Variants in OMA1 observed in about 807,000 individuals in gnomAD.
OMA1 encodes the protein OMA1 zinc metallopeptidase.
OMA1 carries 38 observed loss-of-function variants against 30.9 expected under a neutral mutation model. That is an observed-to-expected ratio of 1.23 (90% confidence interval 0.95 to 1.61). OMA1 has a LOEUF of 1.61. Ranked by LOEUF, OMA1 falls within the 40% of genes most tolerant of loss-of-function variation. The probability of loss-of-function intolerance (pLI) is 0.00; values close to 1 mark genes in which losing one functional copy is unlikely to be tolerated. For missense variants in OMA1, 461 were observed against 349.2 expected, an observed-to-expected ratio of 1.32 and a Z score of -2.55; for synonymous variants, 173 against 121.9, an observed-to-expected ratio of 1.42 and a Z score of -2.76.
chr1:58,535,903 A>G (rs532552469), intron 3 of OMA1, among the ~76,000 whole-genome samples: 4 of 152,302 alleles, frequency 2.6e-5, no homozygotes, highest in South Asian at 2.1e-4. Context: ...TTTTCAAGGT[A>G]TAAGAATTCT....
intron 8 of OMA1, among the ~76,000 whole-genome samples, chr1:58,486,929 T>G (rs1272916747): frequency 6.6e-6 from 1 of 152,194 alleles, no homozygotes; most frequent in Non-Finnish European, 1.5e-5. Context: ...GTTGGAGAGC[T>G]AGGCAGTGGC....
chr1:58,516,543 C>A (rs960594158), intron 7 of OMA1, among the ~76,000 whole-genome samples: 1 of 152,180 alleles, frequency 6.6e-6, no homozygotes, highest in South Asian at 2.1e-4. Flanking sequence ...CGACAAATGC[C>A]TTCCAAATGA....
At position 58,530,729 on chromosome 1, in the gene OMA1, C is replaced by T. The variant is rs746426807; in HGVS notation, c.1012G>A (p.Ala338Thr). 3.4e-6 allele frequency: 3 copies of T among 871,612 alleles called. No individual in the cohort carries two copies. In the East Asian group the frequency reaches 7.2e-5, roughly 21 times the overall value. The allele number at this position is 871,612 out of a possible 1,614,324, so 54.0% of individuals were successfully genotyped here. The stretch of plus-strand genomic sequence containing the variant: ...AAATGAACCATGCCAGCCTTTTCTG[C>T]CTAAGAATAATCAAAATAATAAAAA... ...EIAHAVLGHA[A>T]EKAGMVHLLD... Residue 338 changes from alanine (A) to threonine (T), a missense_variant and splice_region_variant, in exon 6 of 9, where the codon GCA becomes ACA. Physicochemically the swap from Ala to Thr is moderately conservative, Grantham distance 58. Transcript: ENST00000371226.
chr1:58,545,377 T>G (rs1315306491), intron 1 of OMA1, among the ~76,000 whole-genome samples: 1 of 152,202 alleles, frequency 6.6e-6, no homozygotes, highest in African/African-American at 2.4e-5. Flanking sequence ...GACAACCAAG[T>G]GTCGTTTTGA....
chr1:58,535,907 G>A (rs1309196535), intron 3 of OMA1, among the ~76,000 whole-genome samples: 1 of 152,052 alleles, frequency 6.6e-6, no homozygotes. Flanking sequence ...CAAGGTATAA[G>A]AATTCTGACT....
intron 8 of OMA1, among the ~76,000 whole-genome samples, chr1:58,493,574 G>C (rs1037856263): frequency 2.0e-5 from 3 of 151,312 alleles, no homozygotes; most frequent in Non-Finnish European, 2.9e-5. Flanking sequence ...CAAAGTCTCA[G>C]GATACAAAAT....
intron 8 of OMA1, among the ~76,000 whole-genome samples, chr1:58,503,997 A>G (rs1645948136): frequency 6.6e-6 from 1 of 152,170 alleles, no homozygotes; most frequent in Non-Finnish European, 1.5e-5. Flanking sequence ...CTGCTACCAG[A>G]TATCTTGGTC....
Position 58,480,809 on chromosome 1 carries a change from T to C in OMA1, c.*156A>G, listed in dbSNP as rs991037629. ...AAATACATCAATATTTCATGAAAAA[T>C]AAATTCTAGAAGAATTTAGATAATA... On this transcript the variant is annotated 3_prime_UTR_variant, in exon 9 of 9. Coordinates refer to ENST00000371226, the MANE Select transcript of OMA1 (RefSeq NM_145243.5). The C allele has an allele frequency of 2.5e-5, 13 of 522,730 alleles. No homozygotes were observed. The highest frequency in any genetic ancestry group is 1.9e-5 in the African/African-American group (1 of 51,598). The allele number at this position is 522,730 out of a possible 1,614,324, so 32.4% of individuals were successfully genotyped here.
chr1:58,497,687 C>T (rs1645826712), intron 8 of OMA1, among the ~76,000 whole-genome samples: 1 of 152,064 alleles, frequency 6.6e-6, no homozygotes, highest in African/African-American at 2.4e-5. Flanking sequence ...AGTATGTCTC[C>T]CTCTCTGTAC....
At chr1:58,484,449 G>A in intron 8 of OMA1, among the ~76,000 whole-genome samples, 1 of 152,098 alleles carries the variant, frequency 6.6e-6, no homozygotes, top group Non-Finnish European at 1.5e-5. Context: ...CAGTAATACA[G>A]GCATACTTGA....
In OMA1 at chr1:58,517,941, C is replaced by T. The variant is rs578019767; in HGVS notation, c.1215+9320G>A. 5.3e-5 allele frequency among the ~76,000 whole-genome samples: 8 copies of T among 151,696 alleles called. No homozygotes were observed. The South Asian group carries it at 1.5e-3, about 28-fold the overall frequency. ...GTGGCTCACACCTGTAATCCCAGCACTTTAGGAGGCCAAAGTGGGTGGGTC... is the reference window on the plus strand; with the variant it reads ...GTGGCTCACACCTGTAATCCCAGCATTTTAGGAGGCCAAAGTGGGTGGGTC... On this transcript the variant is annotated intron_variant, in intron 7 of 8. Coordinates refer to ENST00000371226, the MANE Select transcript of OMA1 (RefSeq NM_145243.5).
intron 6 of OMA1, among the ~76,000 whole-genome samples, chr1:58,528,514 C>G (rs1646385236): frequency 1.3e-5 from 2 of 152,148 alleles, no homozygotes; most frequent in Non-Finnish European, 2.9e-5. Flanking sequence ...CCTCCAGGGA[C>G]ATTTACAAAT....
chr1:58,486,289 T>A (rs1331043219), intron 8 of OMA1, among the ~76,000 whole-genome samples: 1 of 152,188 alleles, frequency 6.6e-6, no homozygotes, highest in African/African-American at 2.4e-5. Flanking sequence ...TGAAGAAAAC[T>A]AAAGGTTGGA....
chr1:58,509,352 A>G (rs1646037218), intron 7 of OMA1, among the ~76,000 whole-genome samples: 1 of 152,082 alleles, frequency 6.6e-6, no homozygotes, highest in Non-Finnish European at 1.5e-5. Context: ...AAAAAGTACT[A>G]AACAGAAATT....
intron 8 of OMA1, among the ~76,000 whole-genome samples, chr1:58,503,571 G>A (rs549285337): frequency 6.6e-5 from 10 of 152,144 alleles, no homozygotes; most frequent in African/African-American, 2.2e-4. Flanking sequence ...GGAGGTAAGC[G>A]CCTTTGGGAG....
intron 2 of OMA1, 134 bp from the exon 3 acceptor site, chr1:58,536,875 T>C (rs1646526509): frequency 1.7e-6 from 1 of 581,134 alleles, no homozygotes; most frequent in African/African-American, 1.9e-5. Flanking sequence ...ATACATCGCT[T>C]TTCCAATTAA....
chr1:58,543,487 G>C (rs1180423609), intron 1 of OMA1, among the ~76,000 whole-genome samples: 2 of 152,086 alleles, frequency 1.3e-5, no homozygotes, highest in Non-Finnish European at 2.9e-5. Context: ...CCTGGGCTCT[G>C]TGGTCTTATG....
intron 7 of OMA1, among the ~76,000 whole-genome samples, chr1:58,523,829 G>GCAGAGCTTGCAGTGAGC (rs1646307040): frequency 6.6e-6 from 1 of 151,550 alleles, no homozygotes; most frequent in African/African-American, 2.4e-5. Flanking sequence ...AAGCTGGGAG[G>GCAGAGCTTGCAGTGAGC]CAGAGCTTGC....
chr1:58,493,159 G>C (rs1241404148), intron 8 of OMA1, among the ~76,000 whole-genome samples: 54 of 151,782 alleles, frequency 3.6e-4, no homozygotes, highest in African/African-American at 9.4e-4. Context: ...GAACCAACGA[G>C]AAAAACCACA....
Sources: gnomAD v4.1 joint callset for allele counts (sites outside exome capture counted in the v4.1 genomes callset) on GRCh38, gnomAD v4.1.1 for gene constraint, MANE v1.5 for transcripts, NCBI Gene and HGNC (gene_info 2026-07-23, HGNC 2026-07-21) for gene names.